The following IRS2 variants were observed in gnomAD, a reference collection of about 807,000 sequenced individuals.
The protein encoded by IRS2 is insulin receptor substrate 2.
Under a neutral mutation model 70.9 loss-of-function variants are expected in IRS2, and 28 were observed. The ratio of observed to expected loss-of-function variants is 0.39; its 90% CI spans 0.29 to 0.54. The LOEUF (loss-of-function observed/expected upper bound fraction) is 0.54, where lower values mean the gene tolerates loss of function less well. Ranked by LOEUF, IRS2 falls within the 20% of genes least tolerant of loss-of-function variation. IRS2 has a pLI of 0.59. For synonymous variants in IRS2, 1,217 were observed against 981.9 expected, an observed-to-expected ratio of 1.24 and a Z score of -4.48; for missense variants, 2,081 against 2,024.1, an observed-to-expected ratio of 1.03 and a Z score of -0.54.
At chr13:109,767,872 A>G (rs2138917334) in intron 1 of IRS2, among the ~76,000 whole-genome samples, 1 of 151,878 alleles carries the variant, frequency 6.6e-6, no homozygotes, top group African/African-American at 2.4e-5. Context: ...AGCTGGGACT[A>G]CAGGCATGCG....
At chr13:109,760,974 A>G (rs555811133) in intron 1 of IRS2, among the ~76,000 whole-genome samples, 1 of 152,368 alleles carries the variant, frequency 6.6e-6, no homozygotes, top group Non-Finnish European at 1.5e-5. Flanking sequence ...TGCTCCAGCC[A>G]ATAAAATCAG....
At chr13:109,771,930 T>C (rs1226807726) in intron 1 of IRS2, among the ~76,000 whole-genome samples, 2 of 152,278 alleles carry the variant, frequency 1.3e-5, no homozygotes, top group Non-Finnish European at 2.9e-5. Flanking sequence ...GCTTATTGCG[T>C]GGAGTTTCTA....
In IRS2 at chr13:109,782,402, G is replaced by A. The variant is rs2138929629; in HGVS notation, c.3652C>T (p.Arg1218Trp). 1 of 1,605,746 alleles carries A rather than the reference G, an allele frequency of 6.2e-7. No individual in the cohort carries two copies. The highest frequency in any genetic ancestry group is 8.5e-7 in the Non-Finnish European group (1 of 1,176,504). Residue 1218 changes from arginine to tryptophan, a missense_variant, in exon 1 of 2, where the codon CGG becomes TGG. This residue lies in a region of IRS2 where 1,615 missense variants were observed against 1,459.5 expected (regional missense o/e 1.11). Transcript: ENST00000375856. ...CCGGGCTGACCCGGGGTCCACGGCCGGCCCTGCGGTGCCAAAGGGGGCGCC... is the reference window on the plus strand; with the variant it reads ...CCGGGCTGACCCGGGGTCCACGGCCAGCCCTGCGGTGCCAAAGGGGGCGCC... ...QPAPPLAPQG[R>W]PWTPGQPGGL...
intron 1 of IRS2, among the ~76,000 whole-genome samples, chr13:109,760,450 C>T (rs567155424): frequency 8.5e-5 from 13 of 152,246 alleles, no homozygotes; most frequent in Non-Finnish European, 1.3e-4. Context: ...GTGAGGAAAT[C>T]CATCCACAGA....
In IRS2 at chr13:109,784,620, G is replaced by C; in HGVS notation, c.1434C>G (p.Gly478=). The C allele has an allele frequency of 7.5e-7, 1 of 1,337,856 alleles. No individual in the cohort carries two copies. Among genetic ancestry groups the C allele is most frequent in the Non-Finnish European group, 9.5e-7 (1 of 1,050,190 alleles). 82.9% of individuals were successfully genotyped at this position (1,337,856 alleles called of 1,614,324 possible). Reference sequence around the variant, plus strand: ...AGGCGCTGCCGCTGGAGGGCCGCTGGCCGGGGCCGTGGTGCAGCGGATGCG... The same window carrying C: ...AGGCGCTGCCGCTGGAGGGCCGCTGCCCGGGGCCGTGGTGCAGCGGATGCG... ...PLPHPLHHGP[G]QRPSSGSASA... Residue 478 remains glycine, a synonymous_variant, in exon 1 of 2, where the codon GGC becomes GGG. Transcript: ENST00000375856. This position sits in a 1 kb window ranked among gnomAD's most constrained non-coding sequence, Gnocchi z 5.2.
In IRS2 at chr13:109,754,452, C is replaced by G. The variant is rs1280701063; in HGVS notation, c.*1852G>C. The stretch of plus-strand genomic sequence containing the variant: ...GGGTCCATATTCAGTCCCTATCGTA[C>G]CTGGGGGGAGTTACAAAGCAAATAC... On this transcript the variant is annotated 3_prime_UTR_variant, in exon 2 of 2. Coordinates refer to ENST00000375856, the MANE Select transcript of IRS2 (RefSeq NM_003749.3). The G allele has an allele frequency of 9.7e-6, 2 of 205,298 alleles. No individual in the cohort carries two copies. The highest frequency in any genetic ancestry group is 1.2e-4 in the Admixed American group (2 of 16,790). The allele number at this position is 205,298 out of a possible 1,614,324, so 12.7% of individuals were successfully genotyped here.
rs779577515 is a variant in IRS2 at position 109,782,421 on chromosome 13, G to T, written c.3633C>A (p.Pro1211=). 2 of 1,597,378 alleles carry T rather than the reference G, an allele frequency of 1.3e-6. No homozygotes were observed. The highest frequency in any genetic ancestry group is 1.7e-6 in the Non-Finnish European group (2 of 1,171,974). ...ACGGCCGGCCCTGCGGTGCCAAAGGGGGCGCCGGCTGCAACTGTCGTGGGG... is the reference window on the plus strand; with the variant it reads ...ACGGCCGGCCCTGCGGTGCCAAAGGTGGCGCCGGCTGCAACTGTCGTGGGG... The part of the protein sequence containing the change: ...PTSPRQLQPA[P]PLAPQGRPWT... The change falls in exon 1 of 2, where the codon CCC becomes CCA. Residue 1211 remains proline, a synonymous_variant. Transcript: ENST00000375856.
Position 109,783,630 on chromosome 13 carries a change from G to C in IRS2, c.2424C>G (p.Arg808=), listed in dbSNP as rs1246550171. The change falls in exon 1 of 2, where the codon CGC becomes CGG. Residue 808 remains arginine (R), a synonymous_variant. Coordinates refer to ENST00000375856, the MANE Select transcript of IRS2 (RefSeq NM_003749.3). ...CACAGGTGTAGGGGGCCTTGTAGGA[G>C]CGGGGCAAGGAGCTGTAGCAGCAGC... The part of the protein sequence containing the change: ...VPGCCYSSLP[R]SYKAPYTCGG... 6.5e-7 allele frequency: 1 copy of C among 1,550,164 alleles called. No individual in the cohort carries two copies. The highest frequency in any genetic ancestry group is 1.9e-5 in the Admixed American group (1 of 51,454).
At chr13:109,777,825 A>C (rs745531465) in intron 1 of IRS2, among the ~76,000 whole-genome samples, 1 of 152,206 alleles carries the variant, frequency 6.6e-6, no homozygotes, top group Non-Finnish European at 1.5e-5. Context: ...CCTAATTGTT[A>C]CTTTACTATG....
At chr13:109,765,128 G>A (rs1052063571) in intron 1 of IRS2, among the ~76,000 whole-genome samples, 14 of 152,156 alleles carry the variant, frequency 9.2e-5, no homozygotes, top group African/African-American at 3.4e-4. Context: ...AGGCCACTGG[G>A]GGACAGCACT....
In IRS2 at chr13:109,783,995, T is replaced by G. The variant is rs1450402906; in HGVS notation, c.2059A>C (p.Lys687Gln). 3 of 1,532,632 alleles carry G rather than the reference T, an allele frequency of 2.0e-6. No individual in the cohort carries two copies. Among genetic ancestry groups the G allele is most frequent in the African/African-American group, 2.8e-5 (2 of 72,462 alleles). The allele number at this position is 1,532,632 out of a possible 1,614,324, so 94.9% of individuals were successfully genotyped here. A position where few individuals can be genotyped will look rare whatever the true frequency, so the allele number is the denominator to read the frequency against. ...PMSPASVSAP[K>Q]QILQPRAAAA... ...GCGGCCCTGGGCTGCAAGATCTGCTTGGGGGCGGACACGCTGGCGGGGCTC... is the reference window on the plus strand; with the variant it reads ...GCGGCCCTGGGCTGCAAGATCTGCTGGGGGGCGGACACGCTGGCGGGGCTC... Residue 687 changes from lysine to glutamine, a missense_variant, in exon 1 of 2, where the codon AAG (lysine) becomes CAG (glutamine). Lys to Gln is a moderately conservative substitution (Grantham distance 53). Around this residue, in one of 4 missense-constraint regions of IRS2, gnomAD observed 1,615 missense variants for 1,459.5 expected, o/e 1.11. Coordinates refer to ENST00000375856, the MANE Select transcript of IRS2 (RefSeq NM_003749.3).
chr13:109,765,410 G>A (rs528475750), intron 1 of IRS2, among the ~76,000 whole-genome samples: 10 of 152,102 alleles, frequency 6.6e-5, no homozygotes, highest in African/African-American at 2.4e-4. Flanking sequence ...TCCCCAACAA[G>A]CATGTAGATA....
intron 1 of IRS2, among the ~76,000 whole-genome samples, chr13:109,775,792 A>C (rs1448725318): frequency 6.7e-6 from 1 of 150,082 alleles, no homozygotes. Flanking sequence ...ACACACACAC[A>C]CACACACCAG....
intron 1 of IRS2, among the ~76,000 whole-genome samples, chr13:109,756,693 T>C (rs1457854333): frequency 6.6e-6 from 1 of 152,228 alleles, no homozygotes; most frequent in Non-Finnish European, 1.5e-5. Flanking sequence ...GCCTTGATGC[T>C]TCCTGTGTTG....
chr13:109,780,535 C>A (rs1406101189), intron 1 of IRS2, among the ~76,000 whole-genome samples: 1 of 152,194 alleles, frequency 6.6e-6, no homozygotes, highest in Non-Finnish European at 1.5e-5. Context: ...TTCTCTATTA[C>A]ACTAGAATAA....
At chr13:109,776,064 G>A (rs1175034984) in intron 1 of IRS2, among the ~76,000 whole-genome samples, 2 of 151,512 alleles carry the variant, frequency 1.3e-5, no homozygotes, top group Non-Finnish European at 2.9e-5. Flanking sequence ...CAGGAGAATC[G>A]CTTGAACCCG....
At position 109,763,953 on chromosome 13, in the gene IRS2, G is replaced by A. The variant is rs536882513; in HGVS notation, c.4013-7645C>T. ...AACTGTAGGTAAATCCCCCCTCCTC[G>A]GTCTATAACATCTATGTGATATAGG... On this transcript the variant is annotated intron_variant, in intron 1 of 1. Coordinates refer to ENST00000375856, the MANE Select transcript of IRS2 (RefSeq NM_003749.3). Among the ~76,000 whole-genome samples, 6 of 152,026 alleles carry A rather than the reference G, an allele frequency of 3.9e-5. No homozygotes were observed. In the East Asian group the frequency reaches 7.7e-4, roughly 20 times the overall value.
At position 109,782,277 on chromosome 13, in the gene IRS2, C is replaced by T. The variant is rs1877727980; in HGVS notation, c.3777G>A (p.Arg1259=). Residue 1259 remains arginine, a synonymous_variant, in exon 1 of 2, where the codon AGG becomes AGA. Coordinates refer to ENST00000375856, the MANE Select transcript of IRS2 (RefSeq NM_003749.3). The part of the protein sequence containing the change: ...NGLNYIAIDV[R]EEPGLPPQPQ... Reference sequence around the variant, plus strand: ...GCTGGGGTGGCAGCCCGGGCTCCTCCCTCACGTCGATGGCGATGTAGTTGA... The same window carrying T: ...GCTGGGGTGGCAGCCCGGGCTCCTCTCTCACGTCGATGGCGATGTAGTTGA... 8.7e-6 allele frequency: 14 copies of T among 1,610,994 alleles called. No homozygotes were observed. The highest frequency in any genetic ancestry group is 1.2e-5 in the Non-Finnish European group (14 of 1,179,202).
At position 109,782,992 on chromosome 13, in the gene IRS2, G is replaced by T. The variant is rs554117450; in HGVS notation, c.3062C>A (p.Pro1021Gln). The T allele has an allele frequency of 1.9e-5, 26 of 1,369,874 alleles. No individual in the cohort carries two copies. The African/African-American group carries it at 2.5e-4, about 13-fold the overall frequency. The allele number at this position is 1,369,874 out of a possible 1,614,324, so 84.9% of individuals were successfully genotyped here. ...SSPYPPLPPR[P>Q]SASPSSSLQP... ...CAGAGACGACGACGGGGACGCGGAC[G>T]GACGCGGGGGCAACGGCGGATACGG... is the stretch of plus-strand genomic sequence containing the variant. Residue 1021 changes from proline (P) to glutamine (Q), a missense_variant, in exon 1 of 2, where the codon CCG becomes CAG. Physicochemically the swap from Pro to Gln is moderately conservative, Grantham distance 76. This residue lies in a region of IRS2 where 1,615 missense variants were observed against 1,459.5 expected (regional missense o/e 1.11). Coordinates refer to ENST00000375856, the MANE Select transcript of IRS2 (RefSeq NM_003749.3).
Sources: allele counts gnomAD v4.1 joint callset (sites outside exome capture counted in the v4.1 genomes callset), GRCh38; gene constraint gnomAD v4.1.1; regional missense constraint gnomAD v4.1.1; non-coding constraint Gnocchi (gnomAD v3.1); transcripts MANE v1.5; gene names NCBI Gene and HGNC (gene_info 2026-07-23, HGNC 2026-07-21).